The following PTPN7 variants were observed in gnomAD, a reference collection of about 807,000 sequenced individuals.
The protein encoded by PTPN7 is tyrosine-protein phosphatase non-receptor type 7.
PTPN7 carries 33 observed loss-of-function variants against 50.3 expected under a neutral mutation model. That is an observed-to-expected ratio of 0.66 (90% CI 0.50 to 0.88). The LOEUF (loss-of-function observed/expected upper bound fraction) is 0.88, where lower values mean the gene tolerates loss of function less well. PTPN7 is among the 40% of genes least tolerant of loss of function. The pLI is 0.00. For synonymous variants in PTPN7, 185 were observed against 186.6 expected (o/e 0.99, Z 0.07); for missense variants, 412 against 475.4 (o/e 0.87, Z 1.24).
chr1:202,157,705 A>C, intron 4 of PTPN7, 34 bp downstream of exon 4: 1 of 1,574,540 alleles, frequency 6.4e-7, no homozygotes, highest in Non-Finnish European at 8.7e-7. Flanking sequence ...CAGGGACTGT[A>C]CCCGACTCCC....
chr1:202,158,131 T>C lies in PTPN7; in HGVS notation c.293A>G (p.Glu98Gly). 1 of 1,595,640 alleles carries C rather than the reference T, an allele frequency of 6.3e-7. No individual in the cohort carries two copies. Among genetic ancestry groups the C allele is most frequent in the Non-Finnish European group, 8.5e-7 (1 of 1,171,732 alleles). Residue 98 changes from glutamate to glycine, a missense_variant, in exon 3 of 10, where the codon GAA (glutamate) becomes GGA (glycine). Transcript: ENST00000691036. ...CCAATTTCTTACCAAGAATTCTTCT[T>C]CCAGTTGCTTGGGGCTGGGTGGCTG... is the stretch of plus-strand genomic sequence containing the variant. ...QRQPPSPKQL[E>G]EEFLKIPSNF...
At chr1:202,161,299 G>A, upstream of PTPN7, 1 of 1,168,536 alleles carries the variant, frequency 8.6e-7, no homozygotes, top group Non-Finnish European at 1.1e-6. Context: ...GAGTCCACTT[G>A]TGGGAGGGAG....
At chr1:202,160,642 TCCCTCCGC>T (rs1236537311), upstream of PTPN7, 2 of 1,550,560 alleles carry the variant, frequency 1.3e-6, no homozygotes, top group South Asian at 2.4e-5. The surrounding 1 kb of genome is among the most constrained non-coding windows in gnomAD (Gnocchi z 4.8). Flanking sequence ...GCCAGCTTCC[TCCCTCCGC>T]CCCTCCTTGC....
intron 3 of PTPN7, 145 bp from the exon 4 acceptor site, chr1:202,157,968 C>A: frequency 8.0e-7 from 1 of 1,245,626 alleles, no homozygotes; most frequent in Non-Finnish European, 1.1e-6. Context: ...AAGGGGAAGC[C>A]TGGGGGCAGC....
At chr1:202,160,826 C>T, upstream of PTPN7, 1 of 1,529,066 alleles carries the variant, frequency 6.5e-7, no homozygotes, top group African/African-American at 1.4e-5. The surrounding 1 kb of genome is among the most constrained non-coding windows in gnomAD (Gnocchi z 4.8). Context: ...CCCCAGCTTC[C>T]AGACCCTCTC....
upstream of PTPN7, chr1:202,161,510 C>A (rs1255961209): frequency 7.8e-7 from 1 of 1,289,704 alleles, no homozygotes; most frequent in African/African-American, 1.5e-5. Flanking sequence ...GCCCACTGCC[C>A]CTGCCTGACC....
chr1:202,154,920 T>C (rs1027584759), intron 5 of PTPN7, among the ~76,000 whole-genome samples: 1 of 152,162 alleles, frequency 6.6e-6, no homozygotes, highest in African/African-American at 2.4e-5. Context: ...GGCCGGCAAA[T>C]GTAAGATCAT....
chr1:202,152,967 C>T (rs908026097), intron 7 of PTPN7, among the ~76,000 whole-genome samples: 2 of 152,114 alleles, frequency 1.3e-5, no homozygotes, highest in African/African-American at 2.4e-5. Context: ...TGGGCAAGTC[C>T]CTTGATCTCA....
Position 202,153,712 on chromosome 1 carries a change from G to T in PTPN7, c.717+13C>A. ...CCAACTTCCCACTGGGCCTGGCTCC[G>T]GGGGGGTGGTACCTGGATGGTGAGC... On this transcript the variant is annotated intron_variant, in intron 7 of 9. Transcript: ENST00000691036. 1 of 1,593,414 alleles carries T rather than the reference G, an allele frequency of 6.3e-7. No homozygotes were observed. The highest frequency in any genetic ancestry group is 1.1e-5 in the South Asian group (1 of 90,440).
At position 202,160,466 on chromosome 1, in the gene PTPN7, C is replaced by G; in HGVS notation, c.-53+79G>C. The G allele has an allele frequency of 7.1e-7, 1 of 1,415,358 alleles. No individual in the cohort carries two copies. The highest frequency in any genetic ancestry group is 9.6e-7 in the Non-Finnish European group (1 of 1,042,474). 87.7% of individuals were successfully genotyped at this position (1,415,358 alleles called of 1,614,324 possible). On this transcript the variant is annotated intron_variant, in intron 1 of 9. Transcript: ENST00000691036. This position sits in a 1 kb window ranked among gnomAD's most constrained non-coding sequence, Gnocchi z 4.8. ...CCCACTCGCCCTCCCGCACTCCCTCCTAGAGATGCCCTCTTATATCCCCGG... is the reference window on the plus strand; with the variant it reads ...CCCACTCGCCCTCCCGCACTCCCTCGTAGAGATGCCCTCTTATATCCCCGG...
intron 2 of PTPN7, chr1:202,158,609 C>T (rs1656959522): frequency 7.0e-6 from 2 of 283,882 alleles, no homozygotes; most frequent in Non-Finnish European, 1.3e-5. Flanking sequence ...TCAAGTGATC[C>T]TTCTGCCTTG....
chr1:202,152,246 G>A (rs753073639), intron 8 of PTPN7, among the ~76,000 whole-genome samples: 46 of 152,214 alleles, frequency 3.0e-4, no homozygotes, highest in Admixed American at 2.0e-4. Context: ...TGTTGAATAA[G>A]TAAATGAGTT....
At chr1:202,161,375 T>A (rs1358294590), upstream of PTPN7, 15 of 1,253,736 alleles carry the variant, frequency 1.2e-5, no homozygotes, top group Non-Finnish European at 1.4e-5. Flanking sequence ...GACATCTACT[T>A]AGAAGACTTA....
In PTPN7 at chr1:202,152,794, C is replaced by T; in HGVS notation, c.718-95G>A. 3 of 1,418,076 alleles carry T rather than the reference C, an allele frequency of 2.1e-6. No homozygotes were observed. The South Asian group carries it at 3.8e-5, about 18-fold the overall frequency. 87.8% of individuals were successfully genotyped at this position (1,418,076 alleles called of 1,614,324 possible). ...CTGAGGAGGGCAAGGGCTGGAATTA[C>T]CCTGTGGGGGGGTCATCTACTCAAA... is the stretch of plus-strand genomic sequence containing the variant. On this transcript the variant is annotated intron_variant, in intron 7 of 9. Coordinates refer to ENST00000691036, the MANE Select transcript of PTPN7 (RefSeq NM_002832.4).
chr1:202,161,559 A>G, upstream of PTPN7: 1 of 1,286,132 alleles, frequency 7.8e-7, no homozygotes. Context: ...CAGCCGGTTC[A>G]TGCTCGCTGC....
chr1:202,158,207 G>T lies in PTPN7; in HGVS notation c.217C>A (p.His73Asn). Residue 73 changes from histidine (H) to asparagine (N), a missense_variant, in exon 3 of 10, where the codon CAC becomes AAC. His to Asn is a moderately conservative substitution (Grantham distance 68). Coordinates refer to ENST00000691036, the MANE Select transcript of PTPN7 (RefSeq NM_002832.4). ...SVNTPREVTL[H>N]FLRTAGHPLT... Reference sequence around the variant, plus strand: ...GGGTGTCCAGCAGTGCGCAGAAAGTGTAGGGTGACCTCCCGGGGTGTGTTC... The same window carrying T: ...GGGTGTCCAGCAGTGCGCAGAAAGTTTAGGGTGACCTCCCGGGGTGTGTTC... The T allele has an allele frequency of 6.2e-7, 1 of 1,614,082 alleles. No homozygotes were observed. Among genetic ancestry groups the T allele is most frequent in the South Asian group, 1.1e-5 (1 of 91,080 alleles).
chr1:202,148,847 CTTT>C (rs10652170), intron 9 of PTPN7, 148 bp from the exon 10 acceptor site: 1,085 of 137,142 alleles, frequency 7.9e-3, no homozygotes, highest in East Asian at 0.015. Context: ...CATCTTTTCA[CTTT>C]TTTTTTTTTT....
chr1:202,150,925 AC>A (rs1432394820), intron 8 of PTPN7, among the ~76,000 whole-genome samples: 1 of 150,492 alleles, frequency 6.6e-6, no homozygotes, highest in Non-Finnish European at 1.5e-5. Flanking sequence ...TTATTTCAAA[AC>A]CCCCTAGGCC....
In PTPN7 at chr1:202,159,775, A is replaced by G. The variant is rs2147855548; in HGVS notation, c.-52-321T>C. ...GGCTCTGAGCAGGTCCAAGTGGGAG[A>G]AGGCAAGGGAGGAAACAGAAAATAT... On this transcript the variant is annotated intron_variant, in intron 1 of 9. Transcript: ENST00000691036. This position sits in a 1 kb window ranked among gnomAD's most constrained non-coding sequence, Gnocchi z 4.6. The G allele has an allele frequency of 8.1e-7, 1 of 1,240,746 alleles. No individual in the cohort carries two copies. The highest frequency in any genetic ancestry group is 3.2e-5 in the East Asian group (1 of 31,624). 76.9% of individuals were successfully genotyped at this position (1,240,746 alleles called of 1,614,324 possible). A position where few individuals can be genotyped will look rare whatever the true frequency, so the allele number is the denominator to read the frequency against.
Sources: gnomAD v4.1 joint callset for allele counts (sites outside exome capture counted in the v4.1 genomes callset) on GRCh38, gnomAD v4.1.1 for gene constraint, Gnocchi (gnomAD v3.1) non-coding constraint, MANE v1.5 for transcripts, NCBI Gene and HGNC (gene_info 2026-07-23, HGNC 2026-07-21) for gene names.